Variants in GRIA4 observed in about 807,000 individuals in gnomAD.
The protein encoded by GRIA4 is glutamate ionotropic receptor AMPA type subunit 4.
In GRIA4, 34 loss-of-function variants were observed where a neutral mutation model predicts 104.0. That is an observed-to-expected ratio of 0.33 (90% CI 0.25 to 0.44). The LOEUF (loss-of-function observed/expected upper bound fraction) is 0.44, where lower values mean the gene tolerates loss of function less well. Ranked by LOEUF, GRIA4 falls within the 20% of genes least tolerant of loss-of-function variation. The pLI, the probability that GRIA4 is intolerant of heterozygous loss-of-function variation, is 1.00. For missense variants in GRIA4, 750 were observed against 1,096.5 expected (o/e 0.68, Z 4.46); for synonymous variants, 386 against 381.9 (o/e 1.01, Z -0.13).
intron 4 of GRIA4, among the ~76,000 whole-genome samples, chr11:105,812,729 C>T (rs760163984): frequency 6.6e-6 from 1 of 152,066 alleles, no homozygotes; most frequent in Admixed American, 6.6e-5. Context: ...CTCGCTAAAT[C>T]ATTCTGCTCA....
Position 105,759,023 on chromosome 11 carries a change from T to C in GRIA4, c.487+5803T>C, listed in dbSNP as rs572261525. On this transcript the variant is annotated intron_variant, in intron 4 of 16. Coordinates refer to ENST00000282499, the MANE Select transcript of GRIA4 (RefSeq NM_000829.4). ...TATTACGTGGTTGACCTTGAATAAT[T>C]TCCCTAATGTCATGAGAGATCTCAG... 1.5e-3 allele frequency among the ~76,000 whole-genome samples: 115 copies of C among 77,734 alleles called. 1 individual carries two copies. The highest frequency in any genetic ancestry group is 5.5e-3 in the African/African-American group (108 of 19,588). 51.0% of individuals were successfully genotyped at this position (77,734 alleles called of 152,430 possible).
chr11:105,887,795 T>C (rs1946319853), intron 6 of GRIA4, among the ~76,000 whole-genome samples: 1 of 152,158 alleles, frequency 6.6e-6, no homozygotes. Flanking sequence ...TTAAAAGAAA[T>C]GATAATGGTT....
intron 4 of GRIA4, among the ~76,000 whole-genome samples, chr11:105,786,598 A>G (rs1025491359): frequency 6.6e-6 from 1 of 152,346 alleles, no homozygotes; most frequent in Admixed American, 6.5e-5. Context: ...TACATAGTAC[A>G]TAACCTAGTC....
At chr11:105,771,622 T>C (rs1941211966) in intron 4 of GRIA4, among the ~76,000 whole-genome samples, 1 of 152,114 alleles carries the variant, frequency 6.6e-6, no homozygotes, top group South Asian at 2.1e-4. Flanking sequence ...TCTTAGAAAC[T>C]ATGCACTGAA....
intron 16 of GRIA4, among the ~76,000 whole-genome samples, chr11:105,977,083 C>A (rs930956815): frequency 5.3e-5 from 8 of 152,090 alleles, no homozygotes; most frequent in East Asian, 1.9e-4. Context: ...ATTTTTCTGG[C>A]AAAAGCCTTC....
rs548727933 is a variant in GRIA4 at position 105,940,607 on chromosome 11, A to T, written c.2294+6638A>T. On this transcript the variant is annotated intron_variant, in intron 14 of 16. Transcript: ENST00000282499. ...AATCTACCCTTCAGTGAAGAATTGTATATGATGCTGCTTTAATGCAGTTTT... is the reference window on the plus strand; with the variant it reads ...AATCTACCCTTCAGTGAAGAATTGTTTATGATGCTGCTTTAATGCAGTTTT... Among the ~76,000 whole-genome samples, 14 of 152,284 alleles carry T rather than the reference A, an allele frequency of 9.2e-5. No homozygotes were observed. The South Asian group carries it at 2.9e-3, about 32-fold the overall frequency.
At chr11:105,623,495 C>G (rs1274493787) in intron 3 of GRIA4, among the ~76,000 whole-genome samples, 1 of 151,954 alleles carries the variant, frequency 6.6e-6, no homozygotes, top group Non-Finnish European at 1.5e-5. Flanking sequence ...TTACCATGGC[C>G]CTGCATGAAC....
chr11:105,932,584 G>T (rs753815081), intron 13 of GRIA4, among the ~76,000 whole-genome samples: 16 of 152,154 alleles, frequency 1.1e-4, no homozygotes, highest in Non-Finnish European at 1.9e-4. Flanking sequence ...AGTAGTGAGA[G>T]TAATGTATTA....
intron 3 of GRIA4, among the ~76,000 whole-genome samples, chr11:105,745,965 C>T (rs1939630790): frequency 6.6e-6 from 1 of 152,174 alleles, no homozygotes; most frequent in Non-Finnish European, 1.5e-5. Context: ...CATCCTATTT[C>T]CGTAACTAAA....
intron 3 of GRIA4, among the ~76,000 whole-genome samples, chr11:105,632,647 T>C (rs1951064387): frequency 6.6e-6 from 1 of 152,174 alleles, no homozygotes; most frequent in Admixed American, 6.6e-5. Flanking sequence ...TCATATACAG[T>C]GCTTAGGGGC....
intron 4 of GRIA4, among the ~76,000 whole-genome samples, chr11:105,777,565 T>C (rs574581560): frequency 6.6e-6 from 1 of 152,290 alleles, no homozygotes; most frequent in East Asian, 1.9e-4. Flanking sequence ...CAAGAAAATC[T>C]TTAAAATTGT....
At chr11:105,839,470 A>C (rs1330323792) in intron 4 of GRIA4, among the ~76,000 whole-genome samples, 2 of 137,360 alleles carry the variant, frequency 1.5e-5, no homozygotes, top group Non-Finnish European at 3.1e-5. Context: ...ACCTTTTTAG[A>C]TCATGTAATC....
chr11:105,666,990 G>A (rs1952185659), intron 3 of GRIA4, among the ~76,000 whole-genome samples: 1 of 151,924 alleles, frequency 6.6e-6, no homozygotes, highest in Non-Finnish European at 1.5e-5. Context: ...TTGTGGAAGT[G>A]TGAATGGGAG....
In GRIA4 at chr11:105,620,309, T is replaced by C. The variant is rs1672776092; in HGVS notation, c.247+7875T>C. ...TGCCAGATTTTGTGATCTCAATTTT[T>C]ACAAAACTCAGAAGTAGGCATTATT... On this transcript the variant is annotated intron_variant, in intron 3 of 16. Transcript: ENST00000282499. 3.9e-5 allele frequency among the ~76,000 whole-genome samples: 5 copies of C among 129,114 alleles called. No individual in the cohort carries two copies. In the South Asian group the frequency reaches 1.4e-3, roughly 35 times the overall value. The allele number at this position is 129,114 out of a possible 152,430, so 84.7% of individuals were successfully genotyped here. A position where few individuals can be genotyped will look rare whatever the true frequency, so the allele number is the denominator to read the frequency against.
intron 6 of GRIA4, among the ~76,000 whole-genome samples, chr11:105,897,744 T>A (rs1274278948): frequency 6.6e-6 from 1 of 152,198 alleles, no homozygotes; most frequent in African/African-American, 2.4e-5. Flanking sequence ...CATCCTTGCA[T>A]CCCTGGAATA....
At chr11:105,889,102 GA>G (rs914002306) in intron 6 of GRIA4, among the ~76,000 whole-genome samples, 9 of 151,900 alleles carry the variant, frequency 5.9e-5, no homozygotes, top group Admixed American at 2.6e-4. Context: ...GAATTGAGGG[GA>G]AAAAAATCAA....
chr11:105,732,538 C>A (rs1369282824), intron 3 of GRIA4, among the ~76,000 whole-genome samples: 1 of 152,074 alleles, frequency 6.6e-6, no homozygotes. Context: ...TGGACTCCTG[C>A]ATGGAAAAAC....
At chr11:105,925,935 C>G (rs1424092636) in intron 12 of GRIA4, among the ~76,000 whole-genome samples, 2 of 152,052 alleles carry the variant, frequency 1.3e-5, no homozygotes, top group Non-Finnish European at 2.9e-5. Flanking sequence ...TGAACATTCT[C>G]TGGATTTTTT....
chr11:105,672,588 AC>A (rs1591539299), intron 3 of GRIA4, among the ~76,000 whole-genome samples: 1 of 152,172 alleles, frequency 6.6e-6, no homozygotes, highest in East Asian at 1.9e-4. Flanking sequence ...AAACAGTTTA[AC>A]TTTTGAATGT....
Sources: allele counts gnomAD v4.1 joint callset (sites outside exome capture counted in the v4.1 genomes callset), GRCh38; gene constraint gnomAD v4.1.1; transcripts MANE v1.5; gene names NCBI Gene and HGNC (gene_info 2026-07-23, HGNC 2026-07-21).